The following FMN2 variants were observed in gnomAD, a reference collection of about 807,000 sequenced individuals.
FMN2 encodes formin-2.
Under a neutral mutation model 142.3 loss-of-function variants are expected in FMN2, and 51 were observed. The observed-to-expected ratio is 0.36, with a 90% CI of 0.29 to 0.45. The LOEUF is 0.45. FMN2 is among the 20% of genes least tolerant of loss of function. FMN2 has a pLI of 1.00. For synonymous variants in FMN2, 882 were observed against 869.8 expected (o/e 1.01, Z -0.25); for missense variants, 1,936 against 2,122.8 (o/e 0.91, Z 1.73).
At chr1:240,231,924 A>G (rs1667538228) in intron 6 of FMN2, among the ~76,000 whole-genome samples, 1 of 152,108 alleles carries the variant, frequency 6.6e-6, no homozygotes, top group South Asian at 2.1e-4. Flanking sequence ...GAATTCATTG[A>G]TCCTCATTGC....
intron 15 of FMN2, among the ~76,000 whole-genome samples, chr1:240,420,787 C>T (rs1044137778): frequency 5.3e-5 from 8 of 152,142 alleles, no homozygotes; most frequent in Non-Finnish European, 7.4e-5. Flanking sequence ...GACAGGGGGC[C>T]GGTAAGAGAA....
chr1:240,184,953 T>C (rs1665347960), intron 3 of FMN2, among the ~76,000 whole-genome samples: 1 of 147,286 alleles, frequency 6.8e-6, no homozygotes, highest in African/African-American at 2.5e-5. Flanking sequence ...TACCTTCCCC[T>C]TCTCTTTCTC....
intron 6 of FMN2, among the ~76,000 whole-genome samples, chr1:240,212,716 A>G (rs1666740511): frequency 6.6e-6 from 1 of 152,206 alleles, no homozygotes; most frequent in Non-Finnish European, 1.5e-5. Context: ...CATATAGTAC[A>G]CTGAGGCTGA....
At position 240,143,157 on chromosome 1, in the gene FMN2, C is replaced by T. The variant is rs192574745; in HGVS notation, c.1782+19812C>T. 5.8e-5 allele frequency: 92 copies of T among 1,577,514 alleles called. No homozygotes were observed. The East Asian group carries it at 7.4e-4, about 13-fold the overall frequency. ...CTTGGCATGATATTGAGCTAACTGGCGCAACATTGCAGCCAGACGGGCATT... is the reference window on the plus strand; with the variant it reads ...CTTGGCATGATATTGAGCTAACTGGTGCAACATTGCAGCCAGACGGGCATT... On this transcript the variant is annotated intron_variant, in intron 2 of 17. Transcript: ENST00000319653.
At chr1:240,401,851 C>A (rs1487175701) in intron 15 of FMN2, among the ~76,000 whole-genome samples, 1 of 152,202 alleles carries the variant, frequency 6.6e-6, no homozygotes, top group African/African-American at 2.4e-5. Context: ...TAGCCTAGCT[C>A]TGCCACTCCA....
intron 2 of FMN2, among the ~76,000 whole-genome samples, chr1:240,134,509 C>T (rs1334958921): frequency 1.3e-5 from 2 of 151,980 alleles, no homozygotes; most frequent in Non-Finnish European, 2.9e-5. Flanking sequence ...CCTGTAGTCC[C>T]AGCTATTGGA....
At chr1:240,358,165 C>A (rs12116679) in intron 14 of FMN2, among the ~76,000 whole-genome samples, 1 of 152,086 alleles carries the variant, frequency 6.6e-6, no homozygotes, top group Non-Finnish European at 1.5e-5. Context: ...TTTAAAAATT[C>A]TTTTAATGCT....
chr1:240,165,238 C>T (rs1381409531), intron 2 of FMN2, among the ~76,000 whole-genome samples: 2 of 152,074 alleles, frequency 1.3e-5, no homozygotes, highest in Non-Finnish European at 2.9e-5. Flanking sequence ...TGCTGTGGTG[C>T]GATCATAGCT....
intron 7 of FMN2, among the ~76,000 whole-genome samples, chr1:240,284,394 C>T (rs1222456961): frequency 1.3e-5 from 2 of 152,194 alleles, no homozygotes; most frequent in Middle Eastern, 3.4e-3. Context: ...ACATTTTCCC[C>T]CTCATCTAGA....
At chr1:240,329,188 C>G in intron 9 of FMN2, 21 bp downstream of exon 9, 1 of 1,613,138 alleles carries the variant, frequency 6.2e-7, no homozygotes, top group Non-Finnish European at 8.5e-7. Context: ...CTTATAACCA[C>G]GTAGAGGGCG....
Position 240,385,018 on chromosome 1 carries a change from C to G in FMN2, c.4859-7493C>G, listed in dbSNP as rs560972233. On this transcript the variant is annotated intron_variant, in intron 14 of 17. Transcript: ENST00000319653. Reference sequence around the variant, plus strand: ...TAATATTTACCTGCATATGAGTCCCCAACAAAGCTAGACATTCAAATGTTG... The same window carrying G: ...TAATATTTACCTGCATATGAGTCCCGAACAAAGCTAGACATTCAAATGTTG... 5.2e-4 allele frequency among the ~76,000 whole-genome samples: 79 copies of G among 152,172 alleles called. 1 individual carries two copies. The highest frequency in any genetic ancestry group is 3.0e-3 in the Admixed American group (46 of 15,282).
At chr1:240,429,926 C>T (rs942655072) in intron 15 of FMN2, among the ~76,000 whole-genome samples, 43 of 150,034 alleles carry the variant, frequency 2.9e-4, no homozygotes, top group African/African-American at 1.0e-3. Context: ...CGCTCTGCCG[C>T]CCAGGCTGGA....
At chr1:240,168,299 A>G (rs1664561609) in intron 2 of FMN2, among the ~76,000 whole-genome samples, 1 of 151,920 alleles carries the variant, frequency 6.6e-6, no homozygotes, top group African/African-American at 2.4e-5. Flanking sequence ...AAATAAATGG[A>G]CATCTCAGCT....
rs116132280 is a variant in FMN2, at chr1:240,290,757, C to A, written c.4154-4065C>A. On this transcript the variant is annotated intron_variant, in intron 7 of 17. Transcript: ENST00000319653. The stretch of plus-strand genomic sequence containing the variant: ...GACAAGAATTGTTGTCTATTTTGGT[C>A]TGGAGTGATGTCTGTTTGTTTGGTT... Among the ~76,000 whole-genome samples, 750 of 130,980 alleles carry A rather than the reference C, an allele frequency of 5.7e-3. 6 individuals are homozygous for A. Among genetic ancestry groups the A allele is most frequent in the African/African-American group, 0.022 (710 of 32,342 alleles). 85.9% of individuals were successfully genotyped at this position (130,980 alleles called of 152,430 possible).
intron 5 of FMN2, among the ~76,000 whole-genome samples, chr1:240,208,937 T>C (rs569028565): frequency 1.3e-5 from 2 of 152,226 alleles, no homozygotes; most frequent in African/African-American, 4.8e-5. Flanking sequence ...GTAAAATAAA[T>C]ACATATACGT....
chr1:240,396,610 C>A lies in FMN2; in HGVS notation c.4910+4048C>A, dbSNP rs539249318. Among the ~76,000 whole-genome samples, 3 of 152,238 alleles carry A rather than the reference C, an allele frequency of 2.0e-5. No homozygotes were observed. In the East Asian group the frequency reaches 5.8e-4, roughly 29 times the overall value. ...GGTGGTTTTTGAGCCCGTGATCCCC[C>A]TGCATTGTTGAGTAGCCCCAGTGTC... On this transcript the variant is annotated intron_variant, in intron 15 of 17. Transcript: ENST00000319653.
At chr1:240,460,506 C>T (rs1219750582) in intron 16 of FMN2, among the ~76,000 whole-genome samples, 1 of 151,974 alleles carries the variant, frequency 6.6e-6, no homozygotes, top group Non-Finnish European at 1.5e-5. Context: ...GTACAAGAAT[C>T]GCTTAAACCC....
At chr1:240,322,178 C>A (rs1310531768) in intron 8 of FMN2, among the ~76,000 whole-genome samples, 1 of 134,734 alleles carries the variant, frequency 7.4e-6, no homozygotes, top group Admixed American at 8.0e-5. Flanking sequence ...TATTGCTTTT[C>A]CCACCCCAAC....
At chr1:240,449,476 A>G (rs796429436) in intron 16 of FMN2, among the ~76,000 whole-genome samples, 9 of 152,326 alleles carry the variant, frequency 5.9e-5, no homozygotes, top group African/African-American at 2.2e-4. Context: ...AAGGCAGACA[A>G]TACTAGAGAC....
Sources: gnomAD v4.1 joint callset for allele counts (sites outside exome capture counted in the v4.1 genomes callset) on GRCh38, gnomAD v4.1.1 for gene constraint, MANE v1.5 for transcripts, NCBI Gene and HGNC (gene_info 2026-07-23, HGNC 2026-07-21) for gene names.